The following PARD3B variants were observed in gnomAD, a reference collection of about 807,000 sequenced individuals.
The protein encoded by PARD3B is partitioning defective 3 homolog B.
A neutral mutation model predicts 130.2 loss-of-function variants in PARD3B; 103 were observed. That is an observed-to-expected ratio of 0.79 (90% confidence interval 0.67 to 0.93). PARD3B has a LOEUF of 0.93. Among genes scored for constraint, PARD3B ranks in the 40% least tolerant of loss-of-function variants. The pLI is 0.00. For missense variants in PARD3B, 1,609 were observed against 1,499.2 expected, an observed-to-expected ratio of 1.07 and a Z score of -1.21; for synonymous variants, 583 against 553.2, an observed-to-expected ratio of 1.05 and a Z score of -0.76.
intron 2 of PARD3B, among the ~76,000 whole-genome samples, chr2:204,715,396 A>G (rs1409537962): frequency 6.6e-6 from 1 of 152,070 alleles, no homozygotes; most frequent in Non-Finnish European, 1.5e-5. Flanking sequence ...AGATTTCACC[A>G]GACAAGAATT....
In PARD3B at chr2:204,926,120, T is replaced by C. The variant is rs190860609; in HGVS notation, c.223-39032T>C. 2.1e-3 allele frequency among the ~76,000 whole-genome samples: 324 copies of C among 152,150 alleles called. 3 individuals are homozygous for C. Among genetic ancestry groups the C allele is most frequent in the African/African-American group, 7.5e-3 (310 of 41,542 alleles). On this transcript the variant is annotated intron_variant, in intron 2 of 22. Coordinates refer to ENST00000406610, the MANE Select transcript of PARD3B (RefSeq NM_001302769.2). ...TACATTTTACCACTCCAGAGATATA[T>C]GCGTATCTAGCAACTTTGGCTTTGG...
chr2:204,766,900 A>G (rs1202789572), intron 2 of PARD3B, among the ~76,000 whole-genome samples: 1 of 149,686 alleles, frequency 6.7e-6, no homozygotes, highest in Non-Finnish European at 1.5e-5. Flanking sequence ...ATTAATGGTA[A>G]TATTTCTGTA....
intron 22 of PARD3B, among the ~76,000 whole-genome samples, chr2:205,607,831 T>TACACACACACACACAC (rs776583001): frequency 3.9e-4 from 45 of 116,182 alleles, no homozygotes; most frequent in African/African-American, 1.1e-3. Context: ...CCAACACCCA[T>TACACACACACACACAC]ACACACACAC....
chr2:205,426,884 T>C (rs1033170275), intron 19 of PARD3B, among the ~76,000 whole-genome samples: 6 of 152,142 alleles, frequency 3.9e-5, no homozygotes, highest in Non-Finnish European at 8.8e-5. Context: ...GATAAAGTGC[T>C]AATATTGCTC....
chr2:204,696,450 A>G (rs79635965), intron 2 of PARD3B, among the ~76,000 whole-genome samples: 1 of 152,030 alleles, frequency 6.6e-6, no homozygotes, highest in Non-Finnish European at 1.5e-5. Context: ...TGGTTCTCCT[A>G]TTTCCAGGAC....
At chr2:204,797,228 A>C (rs1350738647) in intron 2 of PARD3B, among the ~76,000 whole-genome samples, 1 of 152,084 alleles carries the variant, frequency 6.6e-6, no homozygotes, top group Non-Finnish European at 1.5e-5. Flanking sequence ...CTTTCATAGA[A>C]AAATAAATGG....
chr2:204,612,778 A>G (rs1177613739), intron 1 of PARD3B, among the ~76,000 whole-genome samples: 8 of 119,228 alleles, frequency 6.7e-5, no homozygotes, highest in Middle Eastern at 4.2e-3. Context: ...GGAAGCAACC[A>G]CTTTCAACTT....
chr2:204,986,394 T>G (rs1022796873), intron 3 of PARD3B, among the ~76,000 whole-genome samples: 1 of 152,210 alleles, frequency 6.6e-6, no homozygotes, highest in Admixed American at 6.5e-5. Flanking sequence ...AACCCTAAAC[T>G]GTGATTTGTC....
chr2:204,936,890 A>G (rs1688500768), intron 2 of PARD3B, among the ~76,000 whole-genome samples: 2 of 152,270 alleles, frequency 1.3e-5, no homozygotes, highest in Non-Finnish European at 2.9e-5. Flanking sequence ...TTTGATATAT[A>G]AGAAAGATGG....
chr2:205,525,467 C>T lies in PARD3B; in HGVS notation c.3180+25436C>T, dbSNP rs192425555. Among the ~76,000 whole-genome samples, 3 of 152,046 alleles carry T rather than the reference C, an allele frequency of 2.0e-5. No homozygotes were observed. Among genetic ancestry groups the T allele is most frequent in the African/African-American group, 7.2e-5 (3 of 41,494 alleles). On this transcript the variant is annotated intron_variant, in intron 21 of 22. Coordinates refer to ENST00000406610, the MANE Select transcript of PARD3B (RefSeq NM_001302769.2). This position sits in a 1 kb window ranked among gnomAD's most constrained non-coding sequence, Gnocchi z 4.2. The stretch of plus-strand genomic sequence containing the variant: ...GCTGGGTGTTATGTATGCACAGTTA[C>T]CTATGAACACAAAAAGGTTTAATTT...
intron 20 of PARD3B, among the ~76,000 whole-genome samples, chr2:205,464,365 A>G (rs2048552835): frequency 1.3e-5 from 2 of 152,162 alleles, no homozygotes. Context: ...CTTTCCATCC[A>G]TCCAACAAAT....
chr2:205,323,507 A>G (rs943447524), intron 18 of PARD3B, among the ~76,000 whole-genome samples: 3 of 152,208 alleles, frequency 2.0e-5, no homozygotes, highest in Admixed American at 1.3e-4. Flanking sequence ...GAAAGAATCC[A>G]TAATGTTTTT....
chr2:204,870,701 G>A (rs1207750716), intron 2 of PARD3B, among the ~76,000 whole-genome samples: 2 of 152,076 alleles, frequency 1.3e-5, no homozygotes, highest in East Asian at 3.9e-4. Flanking sequence ...TGGAAGTTTT[G>A]TTGCATTTCA....
At chr2:204,668,849 C>G (rs2036147331) in intron 1 of PARD3B, among the ~76,000 whole-genome samples, 1 of 152,088 alleles carries the variant, frequency 6.6e-6, no homozygotes, top group Non-Finnish European at 1.5e-5. Context: ...GAGAGATTAA[C>G]CTGGTGGGCT....
At chr2:204,676,317 A>C (rs1004012099) in intron 1 of PARD3B, among the ~76,000 whole-genome samples, 2 of 152,144 alleles carry the variant, frequency 1.3e-5, no homozygotes, top group African/African-American at 4.8e-5. Flanking sequence ...TTCAGGCTAC[A>C]TGGCAAGACA....
chr2:205,075,483 G>A (rs901794564), intron 4 of PARD3B, among the ~76,000 whole-genome samples: 1 of 151,680 alleles, frequency 6.6e-6, no homozygotes, highest in African/African-American at 2.4e-5. Flanking sequence ...AAAAGAAAAG[G>A]AAAATCCAAG....
chr2:205,475,015 C>G (rs1011597731), intron 20 of PARD3B, among the ~76,000 whole-genome samples: 1 of 152,092 alleles, frequency 6.6e-6, no homozygotes. Context: ...TGTTTCCTCC[C>G]TCAACAAATC....
intron 2 of PARD3B, among the ~76,000 whole-genome samples, chr2:204,744,520 G>T (rs1417970365): frequency 6.6e-6 from 1 of 152,154 alleles, no homozygotes; most frequent in East Asian, 1.9e-4. Flanking sequence ...AACTGGGGAG[G>T]ATGCAGCTGA....
intron 2 of PARD3B, among the ~76,000 whole-genome samples, chr2:204,687,431 T>C (rs544338719): frequency 2.0e-5 from 3 of 152,286 alleles, no homozygotes; most frequent in East Asian, 3.9e-4. Context: ...CCTAAATAGA[T>C]TGTAAGCTCC....
Sources: gnomAD v4.1 joint callset for allele counts (sites outside exome capture counted in the v4.1 genomes callset) on GRCh38, gnomAD v4.1.1 for gene constraint, Gnocchi (gnomAD v3.1) non-coding constraint, MANE v1.5 for transcripts, NCBI Gene and HGNC (gene_info 2026-07-23, HGNC 2026-07-21) for gene names.